DGKB: variants seen among roughly 807,000 people sequenced by gnomAD.
DGKB encodes diacylglycerol kinase beta, also known as 90 kDa diacylglycerol kinase.
DGKB carries 67 observed loss-of-function variants against 114.3 expected under a neutral mutation model. That is an observed-to-expected ratio of 0.59 (90% CI 0.48 to 0.72). The LOEUF (loss-of-function observed/expected upper bound fraction) is 0.72. Ranked by LOEUF, DGKB falls within the 30% of genes least tolerant of loss-of-function variation. DGKB has a pLI of 0.00. For missense variants in DGKB, 907 were observed against 975.2 expected (o/e 0.93, Z 0.93); for synonymous variants, 398 against 323.1 (o/e 1.23, Z -2.49).
chr7:14,941,614 T>C (rs1490278365), intron 1 of DGKB, among the ~76,000 whole-genome samples: 1 of 152,030 alleles, frequency 6.6e-6, no homozygotes, highest in Non-Finnish European at 1.5e-5. Context: ...ACTCAAACAA[T>C]TAATGAGGGT....
chr7:14,279,960 C>T (rs1196806982), intron 23 of DGKB, among the ~76,000 whole-genome samples: 1 of 152,208 alleles, frequency 6.6e-6, no homozygotes, highest in East Asian at 1.9e-4. Flanking sequence ...CGACTCTCCT[C>T]CTCCAAAGGA....
At chr7:14,886,152 T>C (rs557463060) in intron 1 of DGKB, among the ~76,000 whole-genome samples, 1 of 151,532 alleles carries the variant, frequency 6.6e-6, no homozygotes, top group South Asian at 2.1e-4. Flanking sequence ...CGGGCAGAAA[T>C]TGAAAGAAAA....
intron 20 of DGKB, among the ~76,000 whole-genome samples, chr7:14,507,833 A>G (rs1323840136): frequency 6.6e-6 from 1 of 152,152 alleles, no homozygotes; most frequent in Non-Finnish European, 1.5e-5. Context: ...ACGTGAGTCA[A>G]CTGTGGGTAC....
intron 21 of DGKB, among the ~76,000 whole-genome samples, chr7:14,473,542 C>T (rs1264447967): frequency 6.6e-6 from 1 of 152,164 alleles, no homozygotes. Context: ...GGGGCACCAC[C>T]TAGTGGAGCT....
chr7:14,900,778 C>T (rs887461041), intron 1 of DGKB, among the ~76,000 whole-genome samples: 8 of 152,200 alleles, frequency 5.3e-5, no homozygotes, highest in East Asian at 1.9e-4. Flanking sequence ...GCATTGCCAC[C>T]GCTCAACTCC....
At chr7:14,479,148 G>A (rs1782627178) in intron 20 of DGKB, among the ~76,000 whole-genome samples, 1 of 152,122 alleles carries the variant, frequency 6.6e-6, no homozygotes, top group African/African-American at 2.4e-5. Context: ...AAGGGCTATT[G>A]TTGACATTCA....
chr7:14,639,511 G>C (rs577412197), intron 13 of DGKB, among the ~76,000 whole-genome samples: 1 of 152,138 alleles, frequency 6.6e-6, no homozygotes, highest in Admixed American at 6.6e-5. Flanking sequence ...GCTTGCAGCC[G>C]TCCCTAAGAA....
At chr7:14,872,316 T>A (rs1030350405) in intron 1 of DGKB, among the ~76,000 whole-genome samples, 11 of 152,152 alleles carry the variant, frequency 7.2e-5, no homozygotes, top group African/African-American at 2.4e-4. Context: ...AATAAATGAT[T>A]AAAACATTTT....
chr7:14,517,782 T>C (rs1405094372), intron 20 of DGKB, among the ~76,000 whole-genome samples: 1 of 152,032 alleles, frequency 6.6e-6, no homozygotes, highest in Non-Finnish European at 1.5e-5. Context: ...CCAGTCAGAA[T>C]GGCTATCATT....
chr7:14,438,104 C>T (rs1211497463), intron 21 of DGKB, among the ~76,000 whole-genome samples: 1 of 152,040 alleles, frequency 6.6e-6, no homozygotes, highest in Non-Finnish European at 1.5e-5. Context: ...ACCCCCAGAA[C>T]AAGTATCTAT....
intron 17 of DGKB, among the ~76,000 whole-genome samples, chr7:14,589,591 C>T (rs189978536): frequency 1.7e-4 from 26 of 151,980 alleles, no homozygotes; most frequent in Middle Eastern, 3.4e-3. Context: ...TTCTCTTCTA[C>T]TCCTATCATA....
intron 21 of DGKB, among the ~76,000 whole-genome samples, chr7:14,361,345 G>T (rs1369396319): frequency 6.6e-6 from 1 of 151,592 alleles, no homozygotes; most frequent in Non-Finnish European, 1.5e-5. Context: ...ATAAGAATCG[G>T]GCTACTTGAA....
chr7:14,791,546 G>A (rs1840666690), intron 2 of DGKB, among the ~76,000 whole-genome samples: 1 of 151,972 alleles, frequency 6.6e-6, no homozygotes, highest in South Asian at 2.1e-4. Context: ...TTAAGCTGTG[G>A]GTATTGTATA....
intron 17 of DGKB, among the ~76,000 whole-genome samples, chr7:14,606,656 G>A (rs979302774): frequency 2.6e-5 from 4 of 151,696 alleles, no homozygotes; most frequent in African/African-American, 7.3e-5. Flanking sequence ...ACTTCATGTG[G>A]TCTAATGTTT....
At chr7:14,907,639 A>G (rs1783779996), upstream of DGKB, among the ~76,000 whole-genome samples, 1 of 152,192 alleles carries the variant, frequency 6.6e-6, no homozygotes, top group Non-Finnish European at 1.5e-5. Flanking sequence ...TGAGGTTAAT[A>G]TTTAAGTATA....
chr7:14,372,341 G>A (rs529726632), intron 21 of DGKB, among the ~76,000 whole-genome samples: 1 of 152,250 alleles, frequency 6.6e-6, no homozygotes, highest in African/African-American at 2.4e-5. Context: ...TGATCTTTAT[G>A]TACTATCCTG....
chr7:14,611,697 CTA>C (rs74274170), intron 16 of DGKB, among the ~76,000 whole-genome samples: 3,652 of 149,300 alleles, frequency 0.024, 50 homozygotes, highest in Non-Finnish European at 0.029. Context: ...TTTAGTGTAA[CTA>C]TATATATATA....
chr7:14,710,596 A>G (rs1366139892), intron 6 of DGKB, among the ~76,000 whole-genome samples: 1 of 152,096 alleles, frequency 6.6e-6, no homozygotes, highest in Non-Finnish European at 1.5e-5. Context: ...AAACTTCAAT[A>G]TTTCACTCTT....
At chr7:14,828,667 A>G (rs564911327) in intron 2 of DGKB, among the ~76,000 whole-genome samples, 1 of 152,280 alleles carries the variant, frequency 6.6e-6, no homozygotes, top group African/African-American at 2.4e-5. Flanking sequence ...TTCTGGCAGT[A>G]ACATACTACT....
Sources: allele counts gnomAD v4.1 joint callset (sites outside exome capture counted in the v4.1 genomes callset), GRCh38; gene constraint gnomAD v4.1.1; transcripts MANE v1.5; gene names NCBI Gene and HGNC (gene_info 2026-07-23, HGNC 2026-07-21).